The following COL10A1 variants were observed in gnomAD, a reference collection of about 807,000 sequenced individuals.
COL10A1 encodes collagen type X alpha 1 chain.
A neutral mutation model predicts 18.2 loss-of-function variants in COL10A1; 10 were observed. The observed-to-expected ratio is 0.55, with a 90% CI of 0.34 to 0.93. The LOEUF (loss-of-function observed/expected upper bound fraction) is 0.93. COL10A1 is among the 40% of genes least tolerant of loss of function. The pLI, the probability that COL10A1 is intolerant of heterozygous loss-of-function variation, is 0.02. For missense variants in COL10A1, 897 were observed against 853.5 expected, an observed-to-expected ratio of 1.05 and a Z score of -0.64; for synonymous variants, 330 against 316.6, an observed-to-expected ratio of 1.04 and a Z score of -0.45.
At chr6:116,161,979 TA>T (rs201565242), upstream of COL10A1, among the ~76,000 whole-genome samples, 2,796 of 152,324 alleles carry the variant, frequency 0.018, 40 homozygotes, top group Non-Finnish European at 0.026. Context: ...ATGGCTATTG[TA>T]AATGGGATTT....
At chr6:116,207,582 TAAAA>T in the COL10A1 span, among the ~76,000 whole-genome samples, 1 of 151,884 alleles carries the variant, frequency 6.6e-6, no homozygotes, top group African/African-American at 2.4e-5. Context: ...ATGTTAATTC[TAAAA>T]AATACCCAAA....
chr6:116,156,767 C>T (rs1780205056), intron 1 of COL10A1, among the ~76,000 whole-genome samples: 1 of 152,066 alleles, frequency 6.6e-6, no homozygotes, highest in Non-Finnish European at 1.5e-5. Flanking sequence ...AGAGTAATAT[C>T]CAAGATATCT....
chr6:116,126,348 C>T (rs547206614), upstream of COL10A1, among the ~76,000 whole-genome samples: 30 of 152,002 alleles, frequency 2.0e-4, no homozygotes, highest in African/African-American at 7.2e-4. Flanking sequence ...TAGTTTTAAC[C>T]AAGGACCGTC....
chr6:116,123,216 A>G (rs913536994), intron 2 of COL10A1, among the ~76,000 whole-genome samples: 1 of 152,204 alleles, frequency 6.6e-6, no homozygotes, highest in African/African-American at 2.4e-5. Context: ...AAACAAGTCA[A>G]TGGAAATGAG....
upstream of COL10A1, among the ~76,000 whole-genome samples, chr6:116,163,142 AT>A (rs1284292957): frequency 7.4e-4 from 33 of 44,582 alleles, no homozygotes; most frequent in African/African-American, 4.1e-3. Context: ...AAAAAAAAAA[AT>A]ATATATATAT....
At chr6:116,184,868 T>C in the COL10A1 span, among the ~76,000 whole-genome samples, 1 of 152,074 alleles carries the variant, frequency 6.6e-6, no homozygotes, top group African/African-American at 2.4e-5. Context: ...TTTTTTTGTT[T>C]CAATTTTTAG....
At position 116,156,398 on chromosome 6, in the gene COL10A1, T is replaced by C. The variant is rs1276697927; in HGVS notation, c.-16+2216A>G. Among the ~76,000 whole-genome samples the C allele has an allele frequency of 3.3e-5, 5 of 152,216 alleles. No homozygotes were observed. The East Asian group carries it at 9.6e-4, about 29-fold the overall frequency. ...CTGGTTTAATACTATGTAGGCACTTTGAGGTTGAAAAAAATGTGTTCCATT... is the reference window on the plus strand; with the variant it reads ...CTGGTTTAATACTATGTAGGCACTTCGAGGTTGAAAAAAATGTGTTCCATT... On this transcript the variant is annotated intron_variant, in intron 1 of 1. Coordinates refer to the COL10A1 transcript ENST00000418500.
rs1248357956 is a variant in COL10A1 at position 116,119,863 on chromosome 6, T to C, written c.*210A>G. Reference sequence around the variant, plus strand: ...AAACCTTAAAGAGCCTTAAGATTGCTAACTAGAAATTCAAGAGAGGCTTCA... The same window carrying C: ...AAACCTTAAAGAGCCTTAAGATTGCCAACTAGAAATTCAAGAGAGGCTTCA... On this transcript the variant is annotated 3_prime_UTR_variant, in exon 3 of 3. Transcript: ENST00000651968. 7.0e-6 allele frequency: 4 copies of C among 574,592 alleles called. No individual in the cohort carries two copies. Among genetic ancestry groups the C allele is most frequent in the Non-Finnish European group, 1.2e-5 (4 of 325,438 alleles). The allele number at this position is 574,592 out of a possible 1,614,324, so 35.6% of individuals were successfully genotyped here.
chr6:116,193,163 G>C, the COL10A1 span, among the ~76,000 whole-genome samples: 1 of 151,992 alleles, frequency 6.6e-6, no homozygotes, highest in Non-Finnish European at 1.5e-5. Flanking sequence ...AACTCTTTGT[G>C]TAATGGCCTT....
At chr6:116,165,315 G>C in the COL10A1 span, among the ~76,000 whole-genome samples, 1 of 152,048 alleles carries the variant, frequency 6.6e-6, no homozygotes, top group East Asian at 1.9e-4. Context: ...ATATACCTTG[G>C]TGATGTTCAC....
chr6:116,211,462 T>C, the COL10A1 span, among the ~76,000 whole-genome samples: 4 of 152,130 alleles, frequency 2.6e-5, no homozygotes, highest in Non-Finnish European at 5.9e-5. Flanking sequence ...TCTCTTTAAA[T>C]AGTTCTTTTT....
At chr6:116,173,653 A>G in the COL10A1 span, among the ~76,000 whole-genome samples, 2 of 152,128 alleles carry the variant, frequency 1.3e-5, no homozygotes. Context: ...CTTTTCCTGC[A>G]CATATTATTT....
the COL10A1 span, among the ~76,000 whole-genome samples, chr6:116,171,913 T>C: frequency 3.9e-5 from 6 of 152,166 alleles, no homozygotes; most frequent in Non-Finnish European, 8.8e-5. Context: ...AGTCCGAGAG[T>C]GAGAGAGTTT....
the COL10A1 span, among the ~76,000 whole-genome samples, chr6:116,172,748 T>C: frequency 1.6e-4 from 24 of 152,334 alleles, no homozygotes; most frequent in African/African-American, 5.8e-4. Context: ...TTATTATATT[T>C]CTTTATGTAC....
the COL10A1 span, among the ~76,000 whole-genome samples, chr6:116,203,074 T>C: frequency 6.6e-6 from 1 of 152,102 alleles, no homozygotes; most frequent in Middle Eastern, 3.4e-3. Flanking sequence ...ATTTTTATGG[T>C]AGGACACAGG....
chr6:116,177,838 AAC>A, the COL10A1 span, among the ~76,000 whole-genome samples: 3 of 152,200 alleles, frequency 2.0e-5, no homozygotes, highest in Admixed American at 6.5e-5. Flanking sequence ...AGCTTTAGGT[AAC>A]AGCTCTGAAA....
upstream of COL10A1, among the ~76,000 whole-genome samples, chr6:116,160,610 A>G (rs72953912): frequency 0.016 from 2,307 of 147,474 alleles, 14 homozygotes; most frequent in Non-Finnish European, 0.026. Flanking sequence ...GTGCAGAAAA[A>G]CTCTTTAGTT....
intron 1 of COL10A1, among the ~76,000 whole-genome samples, chr6:116,157,053 A>G (rs1442470286): frequency 6.6e-6 from 1 of 152,050 alleles, no homozygotes; most frequent in East Asian, 1.9e-4. Context: ...CCTCCCTTCC[A>G]CCAAATAGAC....
upstream of COL10A1, among the ~76,000 whole-genome samples, chr6:116,162,833 T>C (rs1382483572): frequency 6.6e-6 from 1 of 152,008 alleles, no homozygotes; most frequent in Non-Finnish European, 1.5e-5. Flanking sequence ...TTAAAAAATA[T>C]GTATTTTTAG....
Sources: gnomAD v4.1 joint callset for allele counts (sites outside exome capture counted in the v4.1 genomes callset) on GRCh38, gnomAD v4.1.1 for gene constraint, MANE v1.5 for transcripts, NCBI Gene and HGNC (gene_info 2026-07-23, HGNC 2026-07-21) for gene names.